Variants in NEDD9 observed in about 807,000 individuals in gnomAD.
NEDD9 encodes the protein enhancer of filamentation 1.
A neutral mutation model predicts 76.6 loss-of-function variants in NEDD9; 26 were observed. That is an observed-to-expected ratio of 0.34 (90% CI 0.25 to 0.47). The LOEUF (loss-of-function observed/expected upper bound fraction) is 0.47. Ranked by LOEUF, NEDD9 falls within the 20% of genes least tolerant of loss-of-function variation. NEDD9 has a pLI of 1.00. For missense variants in NEDD9, 937 were observed against 1,058.5 expected, an observed-to-expected ratio of 0.89 and a Z score of 1.59; for synonymous variants, 392 against 414.2, an observed-to-expected ratio of 0.95 and a Z score of 0.65.
Position 11,190,033 on chromosome 6 carries a change from G to T in NEDD9, c.1836C>A (p.Ala612=). 10 of 1,561,750 alleles carry T rather than the reference G, an allele frequency of 6.4e-6. No homozygotes were observed. The highest frequency in any genetic ancestry group is 8.7e-6 in the Non-Finnish European group (10 of 1,153,768). ...ALPPGLSKEQ[A]PDCSSSDGSE... ...AACCATCACTGCTGCTACAGTCAGG[G>T]GCCTGCTCCTTGCTCAGGCCTGGGG... Residue 612 remains alanine (A), a synonymous_variant, in exon 5 of 7, where the codon GCC becomes GCA. Coordinates refer to ENST00000379446, the MANE Select transcript of NEDD9 (RefSeq NM_006403.4). The surrounding 1 kb of genome is among the most constrained non-coding windows in gnomAD (Gnocchi z 5.8).
chr6:11,372,344 T>C (rs1429763397), intron 1 of NEDD9, among the ~76,000 whole-genome samples: 1 of 152,240 alleles, frequency 6.6e-6, no homozygotes, highest in East Asian at 1.9e-4. Flanking sequence ...TTCTTTTTTA[T>C]GGGTGAATAG....
chr6:11,184,874 A>G lies in NEDD9; in HGVS notation c.*288T>C, dbSNP rs979124722. On this transcript the variant is annotated 3_prime_UTR_variant, in exon 7 of 7. Coordinates refer to ENST00000379446, the MANE Select transcript of NEDD9 (RefSeq NM_006403.4). Reference sequence around the variant, plus strand: ...AATGAAATGCATCAGACAAACATCTACAAACAAACATGAATACATGGGCAT... The same window carrying G: ...AATGAAATGCATCAGACAAACATCTGCAAACAAACATGAATACATGGGCAT... The G allele has an allele frequency of 3.8e-6, 1 of 264,288 alleles. No homozygotes were observed. The highest frequency in any genetic ancestry group is 7.2e-6 in the Non-Finnish European group (1 of 139,628). The allele number at this position is 264,288 out of a possible 1,614,324, so 16.4% of individuals were successfully genotyped here. A position where few individuals can be genotyped will look rare whatever the true frequency, so the allele number is the denominator to read the frequency against.
At chr6:11,220,017 A>G (rs1759092551) in intron 1 of NEDD9, among the ~76,000 whole-genome samples, 1 of 152,224 alleles carries the variant, frequency 6.6e-6, no homozygotes, top group African/African-American at 2.4e-5. Context: ...AGAAGATATG[A>G]TAAGTTATGA....
intron 3 of NEDD9, among the ~76,000 whole-genome samples, chr6:11,253,274 A>C (rs1323562803): frequency 6.6e-6 from 1 of 152,236 alleles, no homozygotes; most frequent in Non-Finnish European, 1.5e-5. Context: ...AAGGAGGAAA[A>C]GATATAATGA....
intron 2 of NEDD9, among the ~76,000 whole-genome samples, chr6:11,318,687 T>TAA (rs143403060): frequency 2.1e-4 from 32 of 151,046 alleles, no homozygotes; most frequent in Admixed American, 1.3e-3. Flanking sequence ...GTCTTTAAGT[T>TAA]AAAAAAAAAC....
At position 11,241,437 on chromosome 6, in the gene NEDD9, T is replaced by G. The variant is rs1759705575; in HGVS notation, c.13-27710A>C. On this transcript the variant is annotated intron_variant, in intron 3 of 3. Transcript: ENST00000397378. This position sits in a 1 kb window ranked among gnomAD's most constrained non-coding sequence, Gnocchi z 4.0. ...TAGCCCTCTTCCCCTCTCCACGTCT[T>G]GCTATTGTCTAGTTGGACTAAGCAG... Among the ~76,000 whole-genome samples, 2 of 152,162 alleles carry G rather than the reference T, an allele frequency of 1.3e-5. No homozygotes were observed.
intron 3 of NEDD9, among the ~76,000 whole-genome samples, chr6:11,273,608 G>A (rs1194260136): frequency 2.0e-5 from 3 of 152,146 alleles, no homozygotes; most frequent in East Asian, 3.9e-4. Context: ...GGCAGATTCC[G>A]TCTTGCCAGT....
intron 3 of NEDD9, among the ~76,000 whole-genome samples, chr6:11,254,679 G>A (rs1460097893): frequency 6.6e-6 from 1 of 152,288 alleles, no homozygotes; most frequent in African/African-American, 2.4e-5. Flanking sequence ...GCCATCTGGA[G>A]CAAGAGGAGA....
rs568727380 is a variant in NEDD9, at chr6:11,196,137, T to C, written c.460-2445A>G. Among the ~76,000 whole-genome samples, 1,469 of 152,016 alleles carry C rather than the reference T, an allele frequency of 9.7e-3. 8 individuals carry two copies. Among genetic ancestry groups the C allele is most frequent in the Non-Finnish European group, 0.017 (1,157 of 67,976 alleles). ...GGCTAACACAGTGAAACCCCATCTC[T>C]ACTAAAAATACACAAAATTAGCCAG... is the stretch of plus-strand genomic sequence containing the variant. On this transcript the variant is annotated intron_variant, in intron 2 of 6. Transcript: ENST00000379446.
chr6:11,359,592 A>G (rs9357126), intron 1 of NEDD9, among the ~76,000 whole-genome samples: 56,946 of 152,190 alleles, frequency 0.37, 11,143 homozygotes, highest in Admixed American at 0.42. Context: ...ACATTCTTCT[A>G]GACATCTTCC....
chr6:11,368,416 C>T (rs1385049084), intron 1 of NEDD9, among the ~76,000 whole-genome samples: 1 of 152,126 alleles, frequency 6.6e-6, no homozygotes, highest in Non-Finnish European at 1.5e-5. Flanking sequence ...ACCGAAGTAA[C>T]TACCACAACT....
In NEDD9 at chr6:11,192,274, C is replaced by A; in HGVS notation, c.663+71G>T. ...CGAGTGAACTACTTACCCACCCTCC[C>A]AACCCTGCACCCCCCGACACACAGA... On this transcript the variant is annotated intron_variant, in intron 4 of 6. Transcript: ENST00000379446. The A allele has an allele frequency of 1.2e-5, 4 of 334,348 alleles. 1 individual carries two copies. Among genetic ancestry groups the A allele is most frequent in the East Asian group, 2.0e-4 (2 of 9,994 alleles). The allele number at this position is 334,348 out of a possible 1,614,324, so 20.7% of individuals were successfully genotyped here.
intron 3 of NEDD9, among the ~76,000 whole-genome samples, chr6:11,269,462 G>A (rs1316250756): frequency 6.6e-6 from 1 of 152,182 alleles, no homozygotes; most frequent in East Asian, 1.9e-4. Flanking sequence ...GGATATCACA[G>A]ACCTCCTTGG....
intron 3 of NEDD9, among the ~76,000 whole-genome samples, chr6:11,296,048 T>C (rs1255352702): frequency 1.3e-5 from 2 of 152,214 alleles, no homozygotes; most frequent in East Asian, 1.9e-4. Context: ...TAATCCAATA[T>C]GACAGGAGTC....
At chr6:11,237,045 C>T (rs947150966), upstream of NEDD9, among the ~76,000 whole-genome samples, 1 of 152,202 alleles carries the variant, frequency 6.6e-6, no homozygotes, top group African/African-American at 2.4e-5. This position sits in a 1 kb window ranked among gnomAD's most constrained non-coding sequence, Gnocchi z 4.9. Flanking sequence ...CCCCTTCACT[C>T]TTCTGCTGTC....
intron 2 of NEDD9, among the ~76,000 whole-genome samples, chr6:11,309,345 C>T (rs570679262): frequency 6.6e-6 from 1 of 152,302 alleles, no homozygotes; most frequent in African/African-American, 2.4e-5. Flanking sequence ...AGTACTAGCC[C>T]ATTATGAATA....
At position 11,198,936 on chromosome 6, in the gene NEDD9, G is replaced by A. The variant is rs1017585677; in HGVS notation, c.460-5244C>T. The A allele has an allele frequency of 1.1e-4, 16 of 152,284 alleles. No individual in the cohort carries two copies. Among genetic ancestry groups the A allele is most frequent in the Non-Finnish European group, 2.3e-4 (16 of 68,100 alleles). The allele number at this position is 152,284 out of a possible 1,614,324, so 9.4% of individuals were successfully genotyped here. On this transcript the variant is annotated intron_variant, in intron 2 of 6. Coordinates refer to ENST00000379446, the MANE Select transcript of NEDD9 (RefSeq NM_006403.4). This position sits in a 1 kb window ranked among gnomAD's most constrained non-coding sequence, Gnocchi z 4.7. ...GATCCAAGAAGGCAAGGGAATGTTAGGTGAAGTTGAGAAATCAGAAACTGT... is the reference window on the plus strand; with the variant it reads ...GATCCAAGAAGGCAAGGGAATGTTAAGTGAAGTTGAGAAATCAGAAACTGT...
intron 1 of NEDD9, among the ~76,000 whole-genome samples, chr6:11,219,117 C>T (rs1264923416): frequency 6.6e-6 from 1 of 152,156 alleles, no homozygotes; most frequent in African/African-American, 2.4e-5. Context: ...AAATACTGTA[C>T]AGTTGACCAG....
chr6:11,185,898 T>A (rs6917006), intron 6 of NEDD9, among the ~76,000 whole-genome samples: 41,881 of 152,186 alleles, frequency 0.28, 6,767 homozygotes, highest in East Asian at 0.64. Context: ...ACTACTGGTC[T>A]CTTGTACCCT....
Sources: allele counts gnomAD v4.1 joint callset (sites outside exome capture counted in the v4.1 genomes callset), GRCh38; gene constraint gnomAD v4.1.1; non-coding constraint Gnocchi (gnomAD v3.1); transcripts MANE v1.5; gene names NCBI Gene and HGNC (gene_info 2026-07-23, HGNC 2026-07-21).